The following ADGRG2 variants were observed in gnomAD, a reference collection of about 807,000 sequenced individuals.
ADGRG2 encodes G protein-coupled receptor 64.
A neutral mutation model predicts 74.1 loss-of-function variants in ADGRG2; 26 were observed. The ratio of observed to expected loss-of-function variants is 0.35; its 90% CI spans 0.26 to 0.49. The LOEUF (loss-of-function observed/expected upper bound fraction) is 0.49, where lower values mean the gene tolerates loss of function less well. Ranked by LOEUF, ADGRG2 falls within the 20% of genes least tolerant of loss-of-function variation. The probability of loss-of-function intolerance (pLI) is 0.99; values close to 1 mark genes in which losing one functional copy is unlikely to be tolerated. For synonymous variants in ADGRG2, 296 were observed against 295.2 expected, an observed-to-expected ratio of 1.00 and a Z score of -0.03; for missense variants, 619 against 763.1, an observed-to-expected ratio of 0.81 and a Z score of 2.22.
chrX:19,007,929 C>G, intron 19 of ADGRG2, 51 bp downstream of exon 19: 13 of 1,053,631 alleles, frequency 1.2e-5, no homozygotes, highest in East Asian at 3.1e-5. Flanking sequence ...AAATGAAATG[C>G]CCTCATCTCC....
chrX:18,999,259 G>T lies in ADGRG2; in HGVS notation c.2351C>A (p.Ala784Glu), dbSNP rs983525099. ...PDDFCWINNN[A>E]VFYITVVGYF... ...TCCCACCACCGTAATGTAGAATACT[G>T]CATTGTTGTTGATCCAGCAGCTGGA... is the stretch of plus-strand genomic sequence containing the variant. Residue 784 changes from alanine to glutamate, a missense_variant, in exon 26 of 29, where the codon GCA (alanine) becomes GAA (glutamate). Ala to Glu is a moderately radical substitution (Grantham distance 107, BLOSUM62 -1). Transcript: ENST00000379869. The T allele has an allele frequency of 8.4e-7, 1 of 1,194,776 alleles. No individual in the cohort carries two copies. Among genetic ancestry groups the T allele is most frequent in the African/African-American group, 1.7e-5 (1 of 57,240 alleles).
Position 19,007,909 on chromosome X carries a change from G to A in ADGRG2, c.1566+71C>T, listed in dbSNP as rs775083470. 1.2e-4 allele frequency: 111 copies of A among 905,889 alleles called. 1 individual carries two copies. The highest frequency in any genetic ancestry group is 1.7e-4 in the Non-Finnish European group (107 of 648,427). 74.7% of individuals were successfully genotyped at this position (905,889 alleles called of 1,213,427 possible). The stretch of plus-strand genomic sequence containing the variant: ...TTACGGCAGCCTTAAGAATATTCGA[G>A]CACTAAAAGAAATGAAATGCCCTCA... On this transcript the variant is annotated intron_variant, in intron 19 of 28. Coordinates refer to ENST00000379869, the MANE Select transcript of ADGRG2 (RefSeq NM_001079858.3).
chrX:19,006,274 G>A lies in ADGRG2; in HGVS notation c.1690-9C>T, dbSNP rs566572702. On this transcript the variant is annotated splice_polypyrimidine_tract_variant and intron_variant, in intron 20 of 28. Transcript: ENST00000379869. ...CTCACTGTTAACTCATCCTGTGGTA[G>A]AAAGATAAATCACACATAATTAATT... The A allele has an allele frequency of 2.8e-4, 300 of 1,057,521 alleles. 1 individual carries two copies. The East Asian group carries it at 9.1e-3, about 32-fold the overall frequency. The allele number at this position is 1,057,521 out of a possible 1,213,427, so 87.2% of individuals were successfully genotyped here.
chrX:19,081,372 A>C (rs891093679), intron 2 of ADGRG2, among the ~76,000 whole-genome samples: 3 of 111,926 alleles, frequency 2.7e-5, no homozygotes, highest in African/African-American at 9.7e-5. Flanking sequence ...ATTGATCTGC[A>C]CTGCAGGGCT....
intron 2 of ADGRG2, among the ~76,000 whole-genome samples, chrX:19,070,764 G>C (rs142960902): frequency 6.2e-4 from 69 of 112,026 alleles, no homozygotes; most frequent in African/African-American, 2.2e-3. Context: ...CAGTGGTGAA[G>C]ACTAAAGAGC....
At chrX:19,051,289 T>C (rs2061316772) in intron 3 of ADGRG2, among the ~76,000 whole-genome samples, 1 of 110,911 alleles carries the variant, frequency 9.0e-6, no homozygotes, top group Non-Finnish European at 1.9e-5. Flanking sequence ...TTAGCCAGGA[T>C]GGTCTCGATC....
chrX:19,028,926 TC>T (rs936061888), intron 9 of ADGRG2, among the ~76,000 whole-genome samples: 2 of 112,094 alleles, frequency 1.8e-5, no homozygotes, highest in Admixed American at 1.9e-4. Context: ...ACTACCCAAC[TC>T]TGCCATTGTA....
intron 2 of ADGRG2, among the ~76,000 whole-genome samples, chrX:19,080,782 A>G (rs4825242): frequency 0.34 from 36,529 of 108,298 alleles, 5,199 homozygotes; most frequent in African/African-American, 0.53. Context: ...TGCAACCTCC[A>G]CCTCCCAGGC....
chrX:19,086,933 C>G (rs2061944341), intron 1 of ADGRG2, among the ~76,000 whole-genome samples: 1 of 111,080 alleles, frequency 9.0e-6, no homozygotes, highest in African/African-American at 3.3e-5. Flanking sequence ...CTTGATACAT[C>G]GGGATGGGGC....
At chrX:19,106,015 C>T (rs1250505863) in intron 1 of ADGRG2, among the ~76,000 whole-genome samples, 1 of 108,849 alleles carries the variant, frequency 9.2e-6, no homozygotes, top group Non-Finnish European at 1.9e-5. Flanking sequence ...TGGGCTGTGA[C>T]CCCAGGAAAC....
intron 2 of ADGRG2, among the ~76,000 whole-genome samples, chrX:19,080,991 T>A (rs990402354): frequency 8.1e-5 from 9 of 110,720 alleles, no homozygotes; most frequent in African/African-American, 3.0e-4. Context: ...CAAGATTCTA[T>A]GCCAGGGACT....
At chrX:18,994,862 T>C in intron 28 of ADGRG2, 34 bp downstream of exon 28, 2 of 1,108,037 alleles carry the variant, frequency 1.8e-6, no homozygotes, top group Non-Finnish European at 1.2e-6. Flanking sequence ...AAATAAACAC[T>C]AGCTTGAGAA....
chrX:18,999,128 T>C lies in ADGRG2; in HGVS notation c.2482A>G (p.Ser828Gly), dbSNP rs761762733. 8.3e-7 allele frequency: 1 copy of C among 1,209,643 alleles called. No individual in the cohort carries two copies. Among genetic ancestry groups the C allele is most frequent in the Non-Finnish European group, 1.1e-6 (1 of 894,775 alleles). The change falls in exon 26 of 29, where the codon AGT (serine) becomes GGT (glycine). Residue 828 changes from serine to glycine, a missense_variant. By Grantham distance (56) the Ser-to-Gly change is moderately conservative (BLOSUM62 0). Coordinates refer to ENST00000379869, the MANE Select transcript of ADGRG2 (RefSeq NM_001079858.3). ...KKQLGAQRKT[S>G]IQDLRSIAGL... Reference sequence around the variant, plus strand: ...GCGATACTCCTGAGGTCTTGAATACTGGTTTTTCGCTGGGCTCCCAGTTGC... The same window carrying C: ...GCGATACTCCTGAGGTCTTGAATACCGGTTTTTCGCTGGGCTCCCAGTTGC...
At chrX:19,043,590 A>C (rs1395621456) in intron 3 of ADGRG2, among the ~76,000 whole-genome samples, 1 of 111,690 alleles carries the variant, frequency 9.0e-6, no homozygotes, top group African/African-American at 3.3e-5. Context: ...GTGTCTATAA[A>C]ATTTACTCAG....
intron 14 of ADGRG2, among the ~76,000 whole-genome samples, chrX:19,020,213 G>A (rs905879653): frequency 1.8e-5 from 2 of 111,816 alleles, no homozygotes; most frequent in African/African-American, 6.5e-5. Flanking sequence ...TGCTTAGAGA[G>A]TAGACCTTAA....
At chrX:19,037,415 TATATTC>T in intron 6 of ADGRG2, 46 bp downstream of exon 6, 2 of 857,705 alleles carry the variant, frequency 2.3e-6, no homozygotes, top group Middle Eastern at 8.3e-4. Flanking sequence ...TCATTATACT[TATATTC>T]ATATTAAGGG....
chrX:19,014,099 C>T lies in ADGRG2; in HGVS notation c.711-25G>A, dbSNP rs140433958. 9.3e-5 allele frequency: 106 copies of T among 1,137,065 alleles called. No homozygotes were observed. In the African/African-American group the frequency reaches 1.8e-3, roughly 19 times the overall value. The allele number at this position is 1,137,065 out of a possible 1,213,427, so 93.7% of individuals were successfully genotyped here. A position where few individuals can be genotyped will look rare whatever the true frequency, so the allele number is the denominator to read the frequency against. On this transcript the variant is annotated intron_variant, in intron 15 of 28. Transcript: ENST00000379869. ...ACTAAAGGAACAAATCAGAGAGATA[C>T]ATGTGAGACACGAATGAGCTACAGA... is the stretch of plus-strand genomic sequence containing the variant.
At chrX:19,111,110 G>C (rs912173092) in intron 1 of ADGRG2, among the ~76,000 whole-genome samples, 9 of 111,763 alleles carry the variant, frequency 8.1e-5, no homozygotes, top group Non-Finnish European at 1.5e-4. Context: ...CATGAAACTA[G>C]TAGGTGTGGA....
chrX:19,047,499 C>T (rs2061217870), intron 3 of ADGRG2, among the ~76,000 whole-genome samples: 1 of 112,109 alleles, frequency 8.9e-6, no homozygotes, highest in Non-Finnish European at 1.9e-5. Flanking sequence ...GATTGTGGTA[C>T]TACTATGAGT....
Sources: gnomAD v4.1 joint callset for allele counts (sites outside exome capture counted in the v4.1 genomes callset) on GRCh38, gnomAD v4.1.1 for gene constraint, MANE v1.5 for transcripts, NCBI Gene and HGNC (gene_info 2026-07-23, HGNC 2026-07-21) for gene names.